TMED3: variants seen among roughly 807,000 people sequenced by gnomAD.
TMED3 encodes the protein transmembrane p24 trafficking protein 3.
In TMED3, 9 loss-of-function variants were observed where a neutral mutation model predicts 15.0. The ratio of observed to expected loss-of-function variants is 0.60; its 90% CI spans 0.36 to 1.04. The LOEUF (loss-of-function observed/expected upper bound fraction) is 1.04, where lower values mean the gene tolerates loss of function less well. Ranked by LOEUF, TMED3 falls within the 50% of genes least tolerant of loss-of-function variation. The probability of loss-of-function intolerance (pLI) is 0.01; values close to 1 mark genes in which losing one functional copy is unlikely to be tolerated. For synonymous variants in TMED3, 117 were observed against 121.4 expected, an observed-to-expected ratio of 0.96 and a Z score of 0.24; for missense variants, 267 against 278.9, an observed-to-expected ratio of 0.96 and a Z score of 0.30.
At chr15:79,352,412 C>T (rs977663127) in intron 2 of TMED3, among the ~76,000 whole-genome samples, 2 of 151,986 alleles carry the variant, frequency 1.3e-5, no homozygotes, top group African/African-American at 4.8e-5. Context: ...GACAAACTGC[C>T]CAGCACCAGA....
intron 2 of TMED3, among the ~76,000 whole-genome samples, chr15:79,370,101 T>C (rs1465917060): frequency 6.6e-6 from 1 of 151,992 alleles, no homozygotes; most frequent in Non-Finnish European, 1.5e-5. Context: ...TATGTGCATT[T>C]TTTTTTTGAG....
At chr15:79,330,171 A>G (rs1047431150) in intron 2 of TMED3, among the ~76,000 whole-genome samples, 2 of 152,206 alleles carry the variant, frequency 1.3e-5, no homozygotes, top group Non-Finnish European at 2.9e-5. Flanking sequence ...CTCTTATTCA[A>G]CATAGTACTG....
intron 2 of TMED3, among the ~76,000 whole-genome samples, chr15:79,353,335 T>A (rs1242239368): frequency 2.4e-5 from 2 of 83,780 alleles, no homozygotes; most frequent in Admixed American, 3.9e-4. Flanking sequence ...TAATATATAT[T>A]ATGTATATAA....
rs141763994 is a variant in TMED3 at position 79,313,518 on chromosome 15, G to T, written c.169-239G>T. ...CATTGAAACCCTGCAGAGCAAACTT[G>T]GGAGTCAGGCAGGCATAGATTCAAA... On this transcript the variant is annotated intron_variant, in intron 1 of 2. Transcript: ENST00000299705. Among the ~76,000 whole-genome samples, 424 of 152,320 alleles carry T rather than the reference G, an allele frequency of 2.8e-3. 2 individuals carry two copies. The highest frequency in any genetic ancestry group is 0.016 in the East Asian group (85 of 5,184).
At chr15:79,355,792 C>A (rs770861714) in intron 2 of TMED3, among the ~76,000 whole-genome samples, 2 of 152,166 alleles carry the variant, frequency 1.3e-5, no homozygotes, top group Non-Finnish European at 2.9e-5. Context: ...AATGGCTTGT[C>A]CTCCCTTTCT....
At chr15:79,321,330 G>A (rs1408278333) in intron 2 of TMED3, among the ~76,000 whole-genome samples, 1 of 152,172 alleles carries the variant, frequency 6.6e-6, no homozygotes, top group East Asian at 1.9e-4. Context: ...TATTTTTGCA[G>A]GTAAAGAAAG....
rs898206307 is a variant in TMED3, at chr15:79,402,935, A to G, written c.418-8465A>G. On this transcript the variant is annotated intron_variant, in intron 2 of 2. Transcript: ENST00000424155. ...AAGGAGTCTCATCAAGACTTGTTACAGGGCCAGGTGCAGTGGCTCATGCCT... is the reference window on the plus strand; with the variant it reads ...AAGGAGTCTCATCAAGACTTGTTACGGGGCCAGGTGCAGTGGCTCATGCCT... 2.0e-5 allele frequency among the ~76,000 whole-genome samples: 3 copies of G among 151,644 alleles called. No homozygotes were observed. In the East Asian group the frequency reaches 5.9e-4, roughly 30 times the overall value.
chr15:79,380,487 TTATAGTTATATATAGTTATATA>T (rs1466637016), intron 2 of TMED3, among the ~76,000 whole-genome samples: 23 of 147,264 alleles, frequency 1.6e-4, no homozygotes, highest in East Asian at 1.2e-3. Flanking sequence ...TTATATATAG[TTATAGTTATATATAGTTATATA>T]TATAGTTATA....
intron 2 of TMED3, among the ~76,000 whole-genome samples, chr15:79,402,409 A>G (rs974349046): frequency 3.3e-5 from 5 of 152,246 alleles, no homozygotes; most frequent in African/African-American, 1.2e-4. Flanking sequence ...TGAGAGATTC[A>G]TAATAGAGCC....
chr15:79,360,648 G>A (rs1247202895), intron 2 of TMED3, among the ~76,000 whole-genome samples: 2 of 152,038 alleles, frequency 1.3e-5, no homozygotes, highest in Admixed American at 1.3e-4. Flanking sequence ...GCCTTAAGTG[G>A]ATTATATATG....
intron 2 of TMED3, 78 bp downstream of exon 2, chr15:79,314,083 G>C: frequency 6.4e-7 from 1 of 1,556,180 alleles, no homozygotes; most frequent in South Asian, 1.2e-5. Context: ...TAGGCTGGTG[G>C]TGGGAGTCAT....
chr15:79,408,575 G>T (rs1162278613), intron 2 of TMED3, among the ~76,000 whole-genome samples: 1 of 152,234 alleles, frequency 6.6e-6, no homozygotes, highest in Non-Finnish European at 1.5e-5. Context: ...GAGGAGGAAA[G>T]AATTGAGCCA....
intron 2 of TMED3, among the ~76,000 whole-genome samples, chr15:79,399,391 GA>G (rs1376943822): frequency 6.6e-6 from 1 of 152,154 alleles, no homozygotes; most frequent in Non-Finnish European, 1.5e-5. Context: ...TAAAGCTGGG[GA>G]CATCCTGGGA....
chr15:79,386,660 T>G (rs927782065), intron 2 of TMED3, among the ~76,000 whole-genome samples: 2 of 151,286 alleles, frequency 1.3e-5, no homozygotes, highest in African/African-American at 4.9e-5. Context: ...TGCCTCAGCC[T>G]CCCGAGTAGC....
At chr15:79,313,117 A>G (rs755551904) in intron 1 of TMED3, among the ~76,000 whole-genome samples, 21 of 152,216 alleles carry the variant, frequency 1.4e-4, no homozygotes, top group Non-Finnish European at 3.1e-4. Flanking sequence ...CAGAGAATAA[A>G]GTAACTTGTC....
chr15:79,311,433 C>T lies in TMED3; in HGVS notation c.168+16C>T, dbSNP rs1003239696. 4 of 1,595,140 alleles carry T rather than the reference C, an allele frequency of 2.5e-6. No individual in the cohort carries two copies. Among genetic ancestry groups the T allele is most frequent in the Admixed American group, 1.7e-5 (1 of 58,864 alleles). ...GGATTACCAGGTGAGGCCGGGCGCC[C>T]GGCAGCGCTCCCTTCTCCCTCCACT... On this transcript the variant is annotated intron_variant, in intron 1 of 2. Coordinates refer to ENST00000299705, the MANE Select transcript of TMED3 (RefSeq NM_007364.4).
In TMED3 at chr15:79,322,462, G is replaced by A; in HGVS notation, c.*248G>A. 1 of 1,326,924 alleles carries A rather than the reference G, an allele frequency of 7.5e-7. No individual in the cohort carries two copies. The allele number at this position is 1,326,924 out of a possible 1,614,324, so 82.2% of individuals were successfully genotyped here. A position where few individuals can be genotyped will look rare whatever the true frequency, so the allele number is the denominator to read the frequency against. ...GAAAAGACATTTACAACTAGGCCAG[G>A]GATTAGCCACTGTGGGAGGGTGGAC... On this transcript the variant is annotated 3_prime_UTR_variant, in exon 3 of 3. Transcript: ENST00000299705.
intron 2 of TMED3, among the ~76,000 whole-genome samples, chr15:79,339,016 C>A (rs976334184): frequency 6.6e-6 from 1 of 152,160 alleles, no homozygotes; most frequent in Non-Finnish European, 1.5e-5. Context: ...GGCCTGTCTC[C>A]CTGTGATGCT....
intron 2 of TMED3, among the ~76,000 whole-genome samples, chr15:79,339,746 T>C (rs2058843350): frequency 1.3e-5 from 2 of 151,060 alleles, no homozygotes; most frequent in Admixed American, 1.3e-4. Context: ...GATGACATGA[T>C]GGTGATAGTG....
Sources: gnomAD v4.1 joint callset for allele counts (sites outside exome capture counted in the v4.1 genomes callset) on GRCh38, gnomAD v4.1.1 for gene constraint, MANE v1.5 for transcripts, NCBI Gene and HGNC (gene_info 2026-07-23, HGNC 2026-07-21) for gene names.